Variants in SORCS3 observed in about 807,000 individuals in gnomAD.
The protein encoded by SORCS3 is sortilin related VPS10 domain containing receptor 3.
SORCS3 carries 57 observed loss-of-function variants against 146.3 expected under a neutral mutation model. The ratio of observed to expected loss-of-function variants is 0.39; its 90% CI spans 0.31 to 0.49. The LOEUF is 0.49. SORCS3 is among the 20% of genes least tolerant of loss of function. SORCS3 has a pLI of 0.92. For missense variants in SORCS3, 1,341 were observed against 1,575.5 expected, an observed-to-expected ratio of 0.85 and a Z score of 2.52; for synonymous variants, 653 against 618.5, an observed-to-expected ratio of 1.06 and a Z score of -0.83.
chr10:104,661,906 T>G (rs1424052856), intron 1 of SORCS3, among the ~76,000 whole-genome samples: 1 of 152,172 alleles, frequency 6.6e-6, no homozygotes, highest in Non-Finnish European at 1.5e-5. Flanking sequence ...GAATCAAAAG[T>G]GAAGCATCTG....
chr10:104,858,903 G>T (rs1399670638), intron 2 of SORCS3, among the ~76,000 whole-genome samples: 3 of 147,268 alleles, frequency 2.0e-5, no homozygotes, highest in Admixed American at 6.8e-5. Context: ...TTACAGGTGT[G>T]AGCCACCGCA....
Position 105,210,212 on chromosome 10 carries a change from T to C in SORCS3, c.2262-925T>C, listed in dbSNP as rs187317420. ...GCAGAAAAAGAAAGGAGTTGTGGGT[T>C]CTGAGAAAGCAACTTCTTTTCTGCT... is the stretch of plus-strand genomic sequence containing the variant. On this transcript the variant is annotated intron_variant, in intron 16 of 26. Coordinates refer to ENST00000369701, the MANE Select transcript of SORCS3 (RefSeq NM_014978.3). Among the ~76,000 whole-genome samples the C allele has an allele frequency of 3.4e-3, 514 of 152,268 alleles. 4 individuals are homozygous for C. Among genetic ancestry groups the C allele is most frequent in the African/African-American group, 0.011 (474 of 41,558 alleles).
At chr10:104,984,075 C>T (rs2054948156) in intron 4 of SORCS3, among the ~76,000 whole-genome samples, 1 of 152,098 alleles carries the variant, frequency 6.6e-6, no homozygotes. Flanking sequence ...TCAGTGGAGC[C>T]ACTCTCCGTC....
At chr10:105,090,736 C>T (rs2055695892) in intron 6 of SORCS3, among the ~76,000 whole-genome samples, 2 of 152,118 alleles carry the variant, frequency 1.3e-5, no homozygotes, top group Admixed American at 1.3e-4. Context: ...CTGTAACTCC[C>T]TCTGTGACCT....
At chr10:104,940,530 G>A (rs1223113951) in intron 3 of SORCS3, among the ~76,000 whole-genome samples, 1 of 151,426 alleles carries the variant, frequency 6.6e-6, no homozygotes, top group East Asian at 2.0e-4. Flanking sequence ...TGCTGAGAAT[G>A]ATGGTTTCCA....
intron 4 of SORCS3, among the ~76,000 whole-genome samples, chr10:105,011,739 C>T (rs1180671651): frequency 6.6e-6 from 1 of 152,054 alleles, no homozygotes; most frequent in Non-Finnish European, 1.5e-5. Context: ...TCTTTCCAAC[C>T]GTCCTTTCAC....
chr10:104,797,790 C>T (rs1486996683), intron 1 of SORCS3, among the ~76,000 whole-genome samples: 3 of 152,084 alleles, frequency 2.0e-5, no homozygotes, highest in African/African-American at 7.2e-5. Flanking sequence ...ATATTGTCCC[C>T]CTCCCTTTTA....
At chr10:105,166,405 A>AT (rs1006183540) in intron 12 of SORCS3, among the ~76,000 whole-genome samples, 6 of 152,164 alleles carry the variant, frequency 3.9e-5, no homozygotes, top group Non-Finnish European at 5.9e-5. Flanking sequence ...TACAGTCGAG[A>AT]TTAGTTCTCT....
chr10:104,728,973 T>C (rs2016675557), intron 1 of SORCS3, among the ~76,000 whole-genome samples: 1 of 152,220 alleles, frequency 6.6e-6, no homozygotes, highest in African/African-American at 2.4e-5. Context: ...TATAATGTAA[T>C]ATAATATTGC....
chr10:104,718,558 A>C (rs1409500048), intron 1 of SORCS3, among the ~76,000 whole-genome samples: 1 of 152,174 alleles, frequency 6.6e-6, no homozygotes, highest in Non-Finnish European at 1.5e-5. Context: ...GTGCCTCTGA[A>C]GTACAATTAG....
chr10:104,945,331 C>T (rs965475392), intron 3 of SORCS3, among the ~76,000 whole-genome samples: 1 of 152,032 alleles, frequency 6.6e-6, no homozygotes, highest in Non-Finnish European at 1.5e-5. Flanking sequence ...GGCTCAGGCT[C>T]ACTGCAACCT....
chr10:104,894,961 T>C (rs2018784642), intron 2 of SORCS3, among the ~76,000 whole-genome samples: 1 of 152,132 alleles, frequency 6.6e-6, no homozygotes, highest in East Asian at 1.9e-4. Context: ...TTGGGAGTCA[T>C]CCAAATAGAA....
chr10:105,257,996 T>G (rs2056940999), intron 25 of SORCS3, among the ~76,000 whole-genome samples: 1 of 152,200 alleles, frequency 6.6e-6, no homozygotes, highest in African/African-American at 2.4e-5. Context: ...TTCCAGGAAC[T>G]AAAGATAATG....
At chr10:104,793,473 G>A (rs1322725915) in intron 1 of SORCS3, among the ~76,000 whole-genome samples, 1 of 152,136 alleles carries the variant, frequency 6.6e-6, no homozygotes. Context: ...TGGGTGCTGT[G>A]AGAAGGAAAG....
At chr10:105,255,518 A>G (rs541896111) in intron 23 of SORCS3, among the ~76,000 whole-genome samples, 184 bp from the exon 24 acceptor site, 2 of 152,322 alleles carry the variant, frequency 1.3e-5, no homozygotes, top group East Asian at 3.9e-4. Context: ...GGTCAACTGT[A>G]CTTCCTTGGT....
chr10:105,189,821 T>A (rs947180580), intron 14 of SORCS3, among the ~76,000 whole-genome samples: 1 of 152,166 alleles, frequency 6.6e-6, no homozygotes, highest in African/African-American at 2.4e-5. Flanking sequence ...ACTTTATAAT[T>A]CTGTTTGTTC....
chr10:105,242,310 T>TTA (rs1213052992), intron 20 of SORCS3, among the ~76,000 whole-genome samples: 1 of 132,814 alleles, frequency 7.5e-6, no homozygotes, highest in Non-Finnish European at 1.5e-5. Context: ...ATACATATAT[T>TTA]TATATATATA....
chr10:105,083,566 T>C (rs904827343), intron 5 of SORCS3, among the ~76,000 whole-genome samples: 5 of 152,088 alleles, frequency 3.3e-5, no homozygotes, highest in Non-Finnish European at 5.9e-5. Flanking sequence ...CTCACCTCAT[T>C]CTATCATCAC....
intron 14 of SORCS3, among the ~76,000 whole-genome samples, chr10:105,184,862 T>C (rs1175477123): frequency 6.6e-6 from 1 of 152,212 alleles, no homozygotes; most frequent in African/African-American, 2.4e-5. Flanking sequence ...TTTTAAAGTG[T>C]ACAATAATGT....
Sources: allele counts gnomAD v4.1 joint callset (sites outside exome capture counted in the v4.1 genomes callset), GRCh38; gene constraint gnomAD v4.1.1; transcripts MANE v1.5; gene names NCBI Gene and HGNC (gene_info 2026-07-23, HGNC 2026-07-21).